The following CCSER2 variants were observed in gnomAD, a reference collection of about 807,000 sequenced individuals.
CCSER2 encodes coiled-coil serine rich protein 2.
In CCSER2, 46 loss-of-function variants were observed where a neutral mutation model predicts 92.3. That is an observed-to-expected ratio of 0.50 (90% CI 0.39 to 0.64). The LOEUF is 0.64. Among genes scored for constraint, CCSER2 ranks in the 30% least tolerant of loss-of-function variants. CCSER2 has a pLI of 0.00. For synonymous variants in CCSER2, 433 were observed against 431.4 expected, an observed-to-expected ratio of 1.00 and a Z score of -0.04; for missense variants, 1,244 against 1,238.9, an observed-to-expected ratio of 1.00 and a Z score of -0.06.
chr10:84,346,521 C>G (rs1333601544), intron 1 of CCSER2, among the ~76,000 whole-genome samples: 1 of 152,074 alleles, frequency 6.6e-6, no homozygotes, highest in East Asian at 1.9e-4. Flanking sequence ...TAGGGATACC[C>G]AGCTAAACCA....
intron 3 of CCSER2, among the ~76,000 whole-genome samples, chr10:84,394,540 G>A (rs1841720066): frequency 1.3e-5 from 2 of 151,906 alleles, no homozygotes; most frequent in African/African-American, 2.4e-5. Context: ...TTAGCATACG[G>A]AACAGCATGT....
At chr10:84,396,247 A>G (rs1257210980) in intron 3 of CCSER2, among the ~76,000 whole-genome samples, 2 of 150,728 alleles carry the variant, frequency 1.3e-5, no homozygotes, top group Non-Finnish European at 3.0e-5. Flanking sequence ...ATATTCATAC[A>G]TAGTTATAGA....
intron 9 of CCSER2, among the ~76,000 whole-genome samples, chr10:84,500,721 T>A (rs1033058861): frequency 6.6e-6 from 1 of 152,216 alleles, no homozygotes; most frequent in South Asian, 2.1e-4. Context: ...AAAGCTATTA[T>A]TAATGAAAAT....
chr10:84,512,195 A>G (rs1767392334), intron 9 of CCSER2, among the ~76,000 whole-genome samples: 1 of 152,158 alleles, frequency 6.6e-6, no homozygotes, highest in African/African-American at 2.4e-5. Context: ...AACACAAATG[A>G]TGCAGTATAA....
intron 3 of CCSER2, among the ~76,000 whole-genome samples, chr10:84,388,222 C>A (rs141172287): frequency 1.3e-5 from 2 of 152,280 alleles, no homozygotes; most frequent in South Asian, 4.1e-4. Flanking sequence ...TATCGTACAT[C>A]CTGCATCAGT....
intron 6 of CCSER2, among the ~76,000 whole-genome samples, chr10:84,450,631 A>G (rs532270059): frequency 1.3e-5 from 2 of 152,314 alleles, no homozygotes; most frequent in African/African-American, 2.4e-5. Context: ...CACTGCATCA[A>G]TAAAACATGA....
intron 3 of CCSER2, among the ~76,000 whole-genome samples, chr10:84,415,800 C>G (rs1277284281): frequency 6.6e-6 from 1 of 152,226 alleles, no homozygotes; most frequent in Non-Finnish European, 1.5e-5. Context: ...TGCCCCTCCT[C>G]CTGGAAACTC....
intron 1 of CCSER2, among the ~76,000 whole-genome samples, chr10:84,334,011 A>G (rs1366350918): frequency 1.3e-5 from 2 of 152,234 alleles, no homozygotes; most frequent in Non-Finnish European, 2.9e-5. Flanking sequence ...GAACTGGGAA[A>G]CACCAAATTA....
At chr10:84,438,479 C>T (rs1431791465) in intron 5 of CCSER2, 33 bp from the exon 6 acceptor site, 2 of 1,192,066 alleles carry the variant, frequency 1.7e-6, no homozygotes, top group African/African-American at 1.5e-5. Context: ...TATTGTATAT[C>T]TTTTCCCTCC....
intron 1 of CCSER2, among the ~76,000 whole-genome samples, chr10:84,350,770 C>G (rs1342681993): frequency 6.6e-6 from 1 of 152,192 alleles, no homozygotes; most frequent in Non-Finnish European, 1.5e-5. Flanking sequence ...ACAACTTAAA[C>G]TATTTTGACC....
Position 84,463,830 on chromosome 10 carries a change from TGGTCTTCACCATG to T in CCSER2, c.2065-102_2065-90del. On this transcript the variant is annotated intron_variant, in intron 6 of 9. Coordinates refer to ENST00000372088, the MANE Select transcript of CCSER2 (RefSeq NM_001284240.2). ...ATTTGTTCTTCACCATGCTAGCATT[TGGTCTTCACCATG>T]CTAGCATTTGGTCTGGGTAAATTCA... 1.4e-5 allele frequency: 10 copies of T among 693,642 alleles called. No individual in the cohort carries two copies. In the South Asian group the frequency reaches 1.7e-4, roughly 12 times the overall value. The allele number at this position is 693,642 out of a possible 1,614,324, so 43.0% of individuals were successfully genotyped here.
At chr10:84,348,101 C>T (rs933084788) in intron 1 of CCSER2, among the ~76,000 whole-genome samples, 2 of 152,140 alleles carry the variant, frequency 1.3e-5, no homozygotes, top group Non-Finnish European at 2.9e-5. Context: ...CCAAGGCAGG[C>T]GGCTGGGAGG....
chr10:84,425,795 T>C lies in CCSER2; in HGVS notation c.1770T>C (p.Gly590=), dbSNP rs1366996675. 6.2e-7 allele frequency: 1 copy of C among 1,613,302 alleles called. No homozygotes were observed. Among genetic ancestry groups the C allele is most frequent in the South Asian group, 1.1e-5 (1 of 90,986 alleles). ...PDRNVRQPQE[G]FWKRPPQRWS... ...GAAATGTTCGGCAGCCTCAGGAAGGTTTTTGGAAAAGGCCACCCCAGAGGT... is the reference window on the plus strand; with the variant it reads ...GAAATGTTCGGCAGCCTCAGGAAGGCTTTTGGAAAAGGCCACCCCAGAGGT... Residue 590 remains glycine, a synonymous_variant, in exon 5 of 10, where the codon GGT becomes GGC. Coordinates refer to ENST00000372088, the MANE Select transcript of CCSER2 (RefSeq NM_001284240.2).
In CCSER2 at chr10:84,373,779, A is replaced by G. The variant is rs1168736792; in HGVS notation, c.1578A>G (p.Pro526=). 3 of 1,613,660 alleles carry G rather than the reference A, an allele frequency of 1.9e-6. No individual in the cohort carries two copies. The highest frequency in any genetic ancestry group is 2.5e-6 in the Non-Finnish European group (3 of 1,179,750). The stretch of plus-strand genomic sequence containing the variant: ...TGGAACCCATTGGAAATGTCCATCC[A>G]GTTGGGAGCTATGAGTCCTCTGAAA... ...EGLEPIGNVH[P]VGSYESSEMN... The change falls in exon 3 of 10, where the codon CCA becomes CCG. Residue 526 remains proline, a synonymous_variant. Transcript: ENST00000372088.
At chr10:84,382,985 G>A (rs1171997351) in intron 3 of CCSER2, among the ~76,000 whole-genome samples, 1 of 152,050 alleles carries the variant, frequency 6.6e-6, no homozygotes, top group East Asian at 1.9e-4. Context: ...GCTAGATTTG[G>A]GTTTCTACCT....
chr10:84,445,441 C>A (rs1844855378), intron 6 of CCSER2, among the ~76,000 whole-genome samples: 1 of 152,250 alleles, frequency 6.6e-6, no homozygotes, highest in Non-Finnish European at 1.5e-5. Context: ...GCGTGAGCCA[C>A]CGCACCTGGC....
At chr10:84,379,281 C>A (rs1304015569) in intron 3 of CCSER2, among the ~76,000 whole-genome samples, 4 of 152,044 alleles carry the variant, frequency 2.6e-5, no homozygotes, top group Non-Finnish European at 5.9e-5. Context: ...CTTATAGGGA[C>A]GTCTGCTTTT....
At chr10:84,459,439 TG>T (rs1473714188) in intron 6 of CCSER2, among the ~76,000 whole-genome samples, 14 of 152,216 alleles carry the variant, frequency 9.2e-5, no homozygotes, top group African/African-American at 2.7e-4. Context: ...AGGAGTGCCT[TG>T]TTCCTGGTCT....
intron 3 of CCSER2, among the ~76,000 whole-genome samples, chr10:84,396,247 ATAGT>A (rs1841829343): frequency 6.6e-6 from 1 of 150,784 alleles, no homozygotes; most frequent in East Asian, 1.9e-4. Flanking sequence ...ATATTCATAC[ATAGT>A]TATAGATATA....
Sources: allele counts gnomAD v4.1 joint callset (sites outside exome capture counted in the v4.1 genomes callset), GRCh38; gene constraint gnomAD v4.1.1; transcripts MANE v1.5; gene names NCBI Gene and HGNC (gene_info 2026-07-23, HGNC 2026-07-21).